CLOCK: variants seen among roughly 807,000 people sequenced by gnomAD.
CLOCK encodes the protein clock circadian regulator.
In CLOCK, 43 loss-of-function variants were observed where a neutral mutation model predicts 118.4. That is an observed-to-expected ratio of 0.36 (90% CI 0.28 to 0.47). The LOEUF (loss-of-function observed/expected upper bound fraction) is 0.47. Ranked by LOEUF, CLOCK falls within the 20% of genes least tolerant of loss-of-function variation. The pLI is 1.00. For synonymous variants in CLOCK, 326 were observed against 339.2 expected (o/e 0.96, Z 0.43); for missense variants, 846 against 999.9 (o/e 0.85, Z 2.08).
Position 55,514,510 on chromosome 4 carries a change from A to C in CLOCK, c.-289-4445T>G, listed in dbSNP as rs1012946055. On this transcript the variant is annotated intron_variant, in intron 1 of 22. Transcript: ENST00000513440. Reference sequence around the variant, plus strand: ...TTTAGAACATTTTTATCCCCCCCCCACTTTGCTGAGCTGTAGATTTTTTTA... The same window carrying C: ...TTTAGAACATTTTTATCCCCCCCCCCCTTTGCTGAGCTGTAGATTTTTTTA... Among the ~76,000 whole-genome samples, 57 of 128,728 alleles carry C rather than the reference A, an allele frequency of 4.4e-4. No homozygotes were observed. In the East Asian group the frequency reaches 6.8e-3, roughly 15 times the overall value. 84.5% of individuals were successfully genotyped at this position (128,728 alleles called of 152,430 possible). A position where few individuals can be genotyped will look rare whatever the true frequency, so the allele number is the denominator to read the frequency against.
intron 1 of CLOCK, among the ~76,000 whole-genome samples, chr4:55,533,827 T>C (rs1020586976): frequency 6.6e-6 from 1 of 152,108 alleles, no homozygotes; most frequent in African/African-American, 2.4e-5. Context: ...AGCTTGAACC[T>C]GGGAGGCAGA....
chr4:55,431,695 T>G lies in CLOCK; in HGVS notation c.*3720A>C, dbSNP rs1489607966. On this transcript the variant is annotated 3_prime_UTR_variant, in exon 23 of 23. Coordinates refer to ENST00000513440, the MANE Select transcript of CLOCK (RefSeq NM_004898.4). ...CAAATATTCATCAACAAACTTTCAA[T>G]TACCAAAGAAACAGAAAGAAAAAAG... is the stretch of plus-strand genomic sequence containing the variant. The G allele has an allele frequency of 7.2e-6, 1 of 138,056 alleles. No individual in the cohort carries two copies. Among genetic ancestry groups the G allele is most frequent in the Non-Finnish European group, 1.6e-5 (1 of 62,442 alleles). The allele number at this position is 138,056 out of a possible 1,614,324, so 8.6% of individuals were successfully genotyped here.
rs1418494382 is a variant in CLOCK, at chr4:55,463,627, A to G, written c.559+58T>C. The G allele has an allele frequency of 2.5e-6, 4 of 1,590,926 alleles. No homozygotes were observed. In the African/African-American group the frequency reaches 4.0e-5, roughly 16 times the overall value. On this transcript the variant is annotated intron_variant, in intron 9 of 22. Coordinates refer to ENST00000513440, the MANE Select transcript of CLOCK (RefSeq NM_004898.4). Reference sequence around the variant, plus strand: ...AGTCTGTATTTTTCATAAACTTGCAAAAGGATAGTGCTACTGAATACAACA... The same window carrying G: ...AGTCTGTATTTTTCATAAACTTGCAGAAGGATAGTGCTACTGAATACAACA...
At chr4:55,542,365 TAATAATAATAA>T (rs1560489888) in intron 1 of CLOCK, among the ~76,000 whole-genome samples, 11 of 66,532 alleles carry the variant, frequency 1.7e-4, no homozygotes, top group Non-Finnish European at 2.0e-4. Flanking sequence ...ATAATAATAA[TAATAATAATAA>T]TAATATTATT....
At chr4:55,498,624 A>ATTATTAT (rs911690733) in intron 2 of CLOCK, among the ~76,000 whole-genome samples, 22 of 151,500 alleles carry the variant, frequency 1.5e-4, no homozygotes, top group African/African-American at 5.1e-4. Flanking sequence ...TATTATTATT[A>ATTATTAT]TTTTAACCCA....
At chr4:55,541,480 T>G (rs1454141875) in intron 1 of CLOCK, among the ~76,000 whole-genome samples, 1 of 152,238 alleles carries the variant, frequency 6.6e-6, no homozygotes, top group Non-Finnish European at 1.5e-5. Flanking sequence ...TTAGCTACAG[T>G]GCAGAACTTT....
intron 1 of CLOCK, among the ~76,000 whole-genome samples, chr4:55,514,197 G>A (rs200737193): frequency 6.6e-6 from 1 of 151,974 alleles, no homozygotes; most frequent in Non-Finnish European, 1.5e-5. Flanking sequence ...ATCTTACTGG[G>A]AATCTTAAGT....
intron 1 of CLOCK, among the ~76,000 whole-genome samples, chr4:55,510,815 AGTCCAAT>A (rs1729100174): frequency 6.6e-6 from 1 of 152,156 alleles, no homozygotes; most frequent in Non-Finnish European, 1.5e-5. Context: ...AAGTAAAAGA[AGTCCAAT>A]GTAGATGTTC....
At chr4:55,501,698 T>A (rs1402171725) in intron 2 of CLOCK, 4 of 152,214 alleles carry the variant, frequency 2.6e-5, no homozygotes, top group Admixed American at 2.0e-4. Flanking sequence ...CCCATTACCT[T>A]TAGACTAGTC....
At chr4:55,492,876 A>T (rs574273862) in intron 2 of CLOCK, among the ~76,000 whole-genome samples, 1 of 152,244 alleles carries the variant, frequency 6.6e-6, no homozygotes, top group African/African-American at 2.4e-5. Context: ...AAAACAGTAA[A>T]GCTAGAACAA....
intron 8 of CLOCK, among the ~76,000 whole-genome samples, chr4:55,470,164 T>C (rs1406112015): frequency 6.6e-6 from 1 of 152,196 alleles, no homozygotes; most frequent in Non-Finnish European, 1.5e-5. Context: ...CATTCACTTA[T>C]CACTCACTCA....
intron 1 of CLOCK, among the ~76,000 whole-genome samples, chr4:55,540,345 T>G (rs1731178537): frequency 1.5e-5 from 2 of 137,324 alleles, no homozygotes; most frequent in African/African-American, 5.6e-5. Flanking sequence ...TTTCCCACAT[T>G]AGGGATGTGC....
At chr4:55,439,032 T>C (rs1723133971) in intron 21 of CLOCK, among the ~76,000 whole-genome samples, 1 of 152,226 alleles carries the variant, frequency 6.6e-6, no homozygotes, top group Non-Finnish European at 1.5e-5. Context: ...ATTAAAAATC[T>C]TGTGAATCAA....
chr4:55,504,359 C>G (rs1412248291), intron 2 of CLOCK, among the ~76,000 whole-genome samples: 1 of 148,638 alleles, frequency 6.7e-6, no homozygotes, highest in Admixed American at 6.8e-5. Context: ...ATTGAAAACA[C>G]TCAGCAAATC....
At chr4:55,504,406 A>C (rs987229573) in intron 2 of CLOCK, among the ~76,000 whole-genome samples, 2 of 152,116 alleles carry the variant, frequency 1.3e-5, no homozygotes, top group African/African-American at 4.8e-5. Flanking sequence ...CATAAGAATG[A>C]AATAAATATT....
chr4:55,502,200 G>A (rs1049994779), intron 2 of CLOCK, among the ~76,000 whole-genome samples: 4 of 152,074 alleles, frequency 2.6e-5, no homozygotes, highest in East Asian at 3.8e-4. Flanking sequence ...GGTTTGTGGC[G>A]GGTAGTGCGG....
intron 21 of CLOCK, among the ~76,000 whole-genome samples, chr4:55,439,054 AAC>A (rs1280895729): frequency 6.6e-6 from 1 of 152,238 alleles, no homozygotes; most frequent in African/African-American, 2.4e-5. Flanking sequence ...GGGCACTATC[AAC>A]AGAGTAAAAA....
At chr4:55,518,232 C>T (rs1043035381) in intron 1 of CLOCK, among the ~76,000 whole-genome samples, 2 of 151,948 alleles carry the variant, frequency 1.3e-5, no homozygotes, top group African/African-American at 2.4e-5. Flanking sequence ...GATAAGGAGA[C>T]AAAGCAAACG....
intron 2 of CLOCK, among the ~76,000 whole-genome samples, chr4:55,499,561 T>C (rs149307446): frequency 8.1e-4 from 123 of 152,376 alleles, no homozygotes; most frequent in African/African-American, 2.9e-3. Context: ...GAGAATCTAA[T>C]GCTGCTACTG....
Sources: allele counts gnomAD v4.1 joint callset (sites outside exome capture counted in the v4.1 genomes callset), GRCh38; gene constraint gnomAD v4.1.1; transcripts MANE v1.5; gene names NCBI Gene and HGNC (gene_info 2026-07-23, HGNC 2026-07-21).